Variants in SAMD12 observed in about 807,000 individuals in gnomAD.
SAMD12 encodes the protein sterile alpha motif domain containing 12.
Under a neutral mutation model 15.0 loss-of-function variants are expected in SAMD12, and 9 were observed. The ratio of observed to expected loss-of-function variants is 0.60; its 90% CI spans 0.36 to 1.05. The LOEUF is 1.05. Among genes scored for constraint, SAMD12 ranks in the 50% least tolerant of loss-of-function variants. SAMD12 has a pLI of 0.01. For synonymous variants in SAMD12, 86 were observed against 90.1 expected (o/e 0.96, Z 0.25); for missense variants, 230 against 234.2 (o/e 0.98, Z 0.12).
At chr8:118,464,896 A>G (rs1391442215) in intron 2 of SAMD12, among the ~76,000 whole-genome samples, 2 of 152,192 alleles carry the variant, frequency 1.3e-5, no homozygotes, top group African/African-American at 4.8e-5. Context: ...GGTTATACTC[A>G]TGAGACTGCA....
chr8:118,170,234 C>A, the SAMD12 span, among the ~76,000 whole-genome samples: 1 of 152,094 alleles, frequency 6.6e-6, no homozygotes, highest in Admixed American at 6.6e-5. Context: ...GATTAAATGC[C>A]ATCCATACTT....
chr8:118,262,496 C>A (rs1374478922), intron 4 of SAMD12, among the ~76,000 whole-genome samples: 1 of 151,982 alleles, frequency 6.6e-6, no homozygotes, highest in Non-Finnish European at 1.5e-5. Context: ...TACAAAGAAA[C>A]TACAATGCAG....
In SAMD12 at chr8:118,395,428, G is replaced by C. The variant is rs80354008; in HGVS notation, c.323-15728C>G. 2.7e-3 allele frequency among the ~76,000 whole-genome samples: 407 copies of C among 152,212 alleles called. 2 individuals are homozygous for C. The highest frequency in any genetic ancestry group is 4.5e-3 in the Non-Finnish European group (304 of 68,028). ...ATTCTCAAATTGAGCTGTCTCTTAA[G>C]ACTCCAAGATGCCACTAAAAATTTC... On this transcript the variant is annotated intron_variant, in intron 3 of 3. Transcript: ENST00000314727.
At chr8:118,243,622 C>A (rs1277837120) in intron 4 of SAMD12, among the ~76,000 whole-genome samples, 2 of 152,114 alleles carry the variant, frequency 1.3e-5, no homozygotes, top group African/African-American at 4.8e-5. Context: ...AGACTTTCTA[C>A]AGTGGATCTG....
In SAMD12 at chr8:118,252,660, C is replaced by T. The variant is rs560851382; in HGVS notation, c.434-54928G>A. Among the ~76,000 whole-genome samples, 4 of 152,046 alleles carry T rather than the reference C, an allele frequency of 2.6e-5. No individual in the cohort carries two copies. The South Asian group carries it at 8.3e-4, about 32-fold the overall frequency. On this transcript the variant is annotated intron_variant, in intron 4 of 4. Coordinates refer to the SAMD12 transcript ENST00000409003. ...CTCCCCTCATTCCCTCTTTTCCTTCCTCTTTCTCTTTCTCCCACTTTATCT... is the reference window on the plus strand; with the variant it reads ...CTCCCCTCATTCCCTCTTTTCCTTCTTCTTTCTCTTTCTCCCACTTTATCT...
exon 5 of SAMD12, chr8:118,197,012 T>G (rs1205858390): frequency 1.3e-5 from 2 of 152,106 alleles, no homozygotes; most frequent in African/African-American, 2.4e-5. Context: ...GTGGCCATAT[T>G]TACATCAACC....
intron 3 of SAMD12, among the ~76,000 whole-genome samples, chr8:118,409,578 A>G (rs1172279316): frequency 6.6e-6 from 1 of 152,114 alleles, no homozygotes; most frequent in Non-Finnish European, 1.5e-5. Flanking sequence ...CTAAAGAAAT[A>G]AGATTAGTTG....
intron 3 of SAMD12, among the ~76,000 whole-genome samples, chr8:118,409,898 G>A (rs1821324621): frequency 6.6e-6 from 1 of 151,264 alleles, no homozygotes; most frequent in Non-Finnish European, 1.5e-5. Context: ...TAAGAAGATG[G>A]CCTCTGCATT....
chr8:118,440,870 T>A (rs948814009), intron 2 of SAMD12, among the ~76,000 whole-genome samples: 1 of 152,258 alleles, frequency 6.6e-6, no homozygotes, highest in Admixed American at 6.5e-5. Flanking sequence ...TTTAGACAGA[T>A]TAATGCTTCA....
intron 4 of SAMD12, among the ~76,000 whole-genome samples, chr8:118,314,780 A>T (rs1447401065): frequency 6.6e-6 from 1 of 152,156 alleles, no homozygotes; most frequent in Non-Finnish European, 1.5e-5. Flanking sequence ...ACCACTGTAC[A>T]TCCTTACACC....
At chr8:118,546,192 G>T (rs1463822173) in intron 2 of SAMD12, among the ~76,000 whole-genome samples, 1 of 152,166 alleles carries the variant, frequency 6.6e-6, no homozygotes, top group Non-Finnish European at 1.5e-5. Flanking sequence ...ACTAAACCAA[G>T]CCTTAGGTGG....
chr8:118,582,217 C>T (rs1827313692), intron 1 of SAMD12, among the ~76,000 whole-genome samples: 1 of 152,034 alleles, frequency 6.6e-6, no homozygotes, highest in Non-Finnish European at 1.5e-5. Flanking sequence ...CTGGTGACTC[C>T]CAAATATTAA....
At chr8:118,473,748 C>G (rs2130971232) in intron 2 of SAMD12, among the ~76,000 whole-genome samples, 1 of 152,270 alleles carries the variant, frequency 6.6e-6, no homozygotes, top group South Asian at 2.1e-4. Context: ...AAGCATTGCT[C>G]TCACTGCTGT....
intron 4 of SAMD12, among the ~76,000 whole-genome samples, chr8:118,356,366 G>A (rs1388468339): frequency 2.0e-5 from 3 of 152,090 alleles, no homozygotes; most frequent in Non-Finnish European, 4.4e-5. Flanking sequence ...GCACCACCTG[G>A]CCCTGCAATG....
At chr8:118,577,404 A>C (rs1224172082) in intron 2 of SAMD12, among the ~76,000 whole-genome samples, 2 of 152,176 alleles carry the variant, frequency 1.3e-5, no homozygotes, top group African/African-American at 4.8e-5. Flanking sequence ...GGGTAGATTA[A>C]GCACATGCTA....
chr8:118,258,701 T>C (rs1242309714), intron 4 of SAMD12, among the ~76,000 whole-genome samples: 2 of 152,112 alleles, frequency 1.3e-5, no homozygotes, highest in Non-Finnish European at 2.9e-5. Flanking sequence ...TGTTTACAAA[T>C]GATGGGAATG....
At chr8:118,479,512 G>A (rs1303490014) in intron 2 of SAMD12, among the ~76,000 whole-genome samples, 1 of 152,070 alleles carries the variant, frequency 6.6e-6, no homozygotes, top group Non-Finnish European at 1.5e-5. Flanking sequence ...AACAGTATGG[G>A]GGAAACCACA....
intron 2 of SAMD12, among the ~76,000 whole-genome samples, chr8:118,540,404 T>G (rs142434968): frequency 1.2e-3 from 178 of 152,332 alleles, no homozygotes; most frequent in Non-Finnish European, 2.2e-3. Flanking sequence ...TCTGTAATAT[T>G]GTCAGTCTCC....
At chr8:118,531,068 T>G (rs954725806) in intron 2 of SAMD12, among the ~76,000 whole-genome samples, 1 of 152,220 alleles carries the variant, frequency 6.6e-6, no homozygotes, top group Non-Finnish European at 1.5e-5. Flanking sequence ...TTAGGTCTAA[T>G]GTTTAAGTCT....
Sources: gnomAD v4.1 joint callset for allele counts (sites outside exome capture counted in the v4.1 genomes callset) on GRCh38, gnomAD v4.1.1 for gene constraint, MANE v1.5 for transcripts, NCBI Gene and HGNC (gene_info 2026-07-23, HGNC 2026-07-21) for gene names.